The following POLD3 variants were observed in gnomAD, a reference collection of about 807,000 sequenced individuals.
The protein encoded by POLD3 is DNA polymerase delta 3, accessory subunit.
In POLD3, 19 loss-of-function variants were observed where a neutral mutation model predicts 58.2. That is an observed-to-expected ratio of 0.33 (90% CI 0.23 to 0.48). The LOEUF (loss-of-function observed/expected upper bound fraction) is 0.48, where lower values mean the gene tolerates loss of function less well. POLD3 is among the 20% of genes least tolerant of loss of function. The pLI is 0.99. For synonymous variants in POLD3, 172 were observed against 193.5 expected (o/e 0.89, Z 0.92); for missense variants, 504 against 545.5 (o/e 0.92, Z 0.76).
chr11:74,665,101 AAAAAT>A (rs2033250173), intron 4 of POLD3, among the ~76,000 whole-genome samples: 1 of 98,854 alleles, frequency 1.0e-5, no homozygotes, highest in African/African-American at 4.1e-5. Flanking sequence ...CTCCATCTCA[AAAAAT>A]AAAAATAAAA....
chr11:74,627,570 C>T (rs2032468582), intron 8 of POLD3, among the ~76,000 whole-genome samples: 1 of 152,194 alleles, frequency 6.6e-6, no homozygotes, highest in Non-Finnish European at 1.5e-5. Context: ...TCACTCACCG[C>T]TCACTCACTG....
At chr11:74,662,929 T>C (rs1161594671) in intron 4 of POLD3, among the ~76,000 whole-genome samples, 1 of 152,188 alleles carries the variant, frequency 6.6e-6, no homozygotes, top group East Asian at 1.9e-4. Flanking sequence ...ATCTGCTGAG[T>C]TCAGCCCAGT....
chr11:74,594,234 A>G (rs1349388095), intron 2 of POLD3, 118 bp downstream of exon 2: 6 of 663,548 alleles, frequency 9.0e-6, no homozygotes, highest in African/African-American at 7.3e-5. Flanking sequence ...TTTGCTGGCA[A>G]TCATTGGTAT....
At chr11:74,638,560 T>A (rs1267586570) in intron 11 of POLD3, 1 of 451,782 alleles carries the variant, frequency 2.2e-6, no homozygotes, top group Non-Finnish European at 4.4e-6. Context: ...CTTTTCTAAT[T>A]TAAGATATTG....
intron 7 of POLD3, among the ~76,000 whole-genome samples, chr11:74,624,615 G>A (rs934257507): frequency 6.6e-6 from 1 of 152,168 alleles, no homozygotes; most frequent in African/African-American, 2.4e-5. Flanking sequence ...CTATCACTAA[G>A]TACAGCGTGA....
intron 11 of POLD3, among the ~76,000 whole-genome samples, chr11:74,639,977 G>A (rs2032866925): frequency 6.6e-6 from 1 of 152,108 alleles, no homozygotes; most frequent in Non-Finnish European, 1.5e-5. Context: ...ACTAAGAACC[G>A]AACAGTTGAG....
At position 74,593,489 on chromosome 11, in the gene POLD3, G is replaced by A. The variant is rs553757804; in HGVS notation, c.61-572G>A. 4.6e-5 allele frequency among the ~76,000 whole-genome samples: 7 copies of A among 152,328 alleles called. No individual in the cohort carries two copies. The South Asian group carries it at 1.0e-3, about 23-fold the overall frequency. Reference sequence around the variant, plus strand: ...CTAACTATTGGAAGCTTGACATTTGGAATTGGAAGAGACTTTGAGAGAAGA... The same window carrying A: ...CTAACTATTGGAAGCTTGACATTTGAAATTGGAAGAGACTTTGAGAGAAGA... On this transcript the variant is annotated intron_variant, in intron 1 of 11. Transcript: ENST00000263681.
At chr11:74,655,144 C>G (rs1376966501) in intron 4 of POLD3, among the ~76,000 whole-genome samples, 1 of 152,264 alleles carries the variant, frequency 6.6e-6, no homozygotes, top group Non-Finnish European at 1.5e-5. Context: ...AGATGTGTGA[C>G]ATTGTGGAAA....
intron 2 of POLD3, among the ~76,000 whole-genome samples, chr11:74,601,324 A>G (rs190562903): frequency 1.3e-5 from 2 of 152,360 alleles, no homozygotes; most frequent in East Asian, 1.9e-4. Context: ...AAGAAACATT[A>G]GAGGGCAAAG....
chr11:74,625,871 TTGTGTGTG>T (rs56365420), intron 8 of POLD3, among the ~76,000 whole-genome samples: 9 of 143,678 alleles, frequency 6.3e-5, no homozygotes, highest in South Asian at 2.2e-4. Flanking sequence ...GTGTGCCTAG[TTGTGTGTG>T]TGTGTGTGTG....
chr11:74,628,674 C>G (rs1335235030), intron 8 of POLD3, among the ~76,000 whole-genome samples: 3 of 152,232 alleles, frequency 2.0e-5, no homozygotes, highest in South Asian at 4.1e-4. Context: ...TGTTCTTTCT[C>G]TTTAAAATAT....
chr11:74,614,506 T>G (rs1031374673), intron 5 of POLD3, among the ~76,000 whole-genome samples: 3 of 152,054 alleles, frequency 2.0e-5, no homozygotes, highest in African/African-American at 4.8e-5. Flanking sequence ...GTCAGGAGAT[T>G]GAGACCATCC....
At chr11:74,665,079 AAC>A (rs2033249827) in intron 4 of POLD3, among the ~76,000 whole-genome samples, 1 of 151,948 alleles carries the variant, frequency 6.6e-6, no homozygotes, top group African/African-American at 2.4e-5. Context: ...CAGCCTGGTC[AAC>A]AGAGTGAGAC....
chr11:74,597,606 G>A (rs1281696131), intron 2 of POLD3, among the ~76,000 whole-genome samples: 3 of 152,154 alleles, frequency 2.0e-5, no homozygotes, highest in Admixed American at 6.5e-5. Flanking sequence ...AACTACAGGC[G>A]CATGCCACCA....
intron 4 of POLD3, among the ~76,000 whole-genome samples, chr11:74,656,705 T>C (rs542368382): frequency 1.7e-4 from 26 of 152,004 alleles, no homozygotes; most frequent in Non-Finnish European, 2.6e-4. Context: ...CTAGTTTTAT[T>C]CCATTGTGGT....
At chr11:74,610,422 G>C (rs1381269108) in intron 3 of POLD3, among the ~76,000 whole-genome samples, 1 of 152,020 alleles carries the variant, frequency 6.6e-6, no homozygotes, top group Non-Finnish European at 1.5e-5. Context: ...TGTTGACGAG[G>C]GAGGTCTCCA....
rs540128139 is a variant in POLD3 at position 74,613,407 on chromosome 11, T to G, written c.392+397T>G. 1.1e-3 allele frequency among the ~76,000 whole-genome samples: 148 copies of G among 134,002 alleles called. 1 individual carries two copies. Among genetic ancestry groups the G allele is most frequent in the Non-Finnish European group, 3.6e-4 (23 of 64,442 alleles). 87.9% of individuals were successfully genotyped at this position (134,002 alleles called of 152,430 possible). A position where few individuals can be genotyped will look rare whatever the true frequency, so the allele number is the denominator to read the frequency against. The stretch of plus-strand genomic sequence containing the variant: ...TTTTCATCCAAAAGCAACTTTTTCT[T>G]GAGCTTCCATAGCCAGGATCAGGTT... On this transcript the variant is annotated intron_variant, in intron 5 of 11. Transcript: ENST00000263681.
At chr11:74,630,195 A>G (rs1368450517) in intron 9 of POLD3, among the ~76,000 whole-genome samples, 1 of 152,236 alleles carries the variant, frequency 6.6e-6, no homozygotes, top group Non-Finnish European at 1.5e-5. Flanking sequence ...CTACTGAGCT[A>G]TCAAAGGACA....
intron 4 of POLD3, among the ~76,000 whole-genome samples, chr11:74,667,141 A>G (rs1374521703): frequency 6.6e-6 from 1 of 150,800 alleles, no homozygotes; most frequent in East Asian, 1.9e-4. Flanking sequence ...AGAGTTGTCC[A>G]GTTGTCCAGT....
Sources: allele counts gnomAD v4.1 joint callset (sites outside exome capture counted in the v4.1 genomes callset), GRCh38; gene constraint gnomAD v4.1.1; transcripts MANE v1.5; gene names NCBI Gene and HGNC (gene_info 2026-07-23, HGNC 2026-07-21).